Variants in CNTNAP5 observed in about 807,000 individuals in gnomAD.
The protein encoded by CNTNAP5 is contactin associated protein family member 5.
CNTNAP5 carries 72 observed loss-of-function variants against 150.2 expected under a neutral mutation model. The ratio of observed to expected loss-of-function variants is 0.48; its 90% CI spans 0.40 to 0.58. The LOEUF (loss-of-function observed/expected upper bound fraction) is 0.58. Among genes scored for constraint, CNTNAP5 ranks in the 20% least tolerant of loss-of-function variants. CNTNAP5 has a pLI of 0.00. For synonymous variants in CNTNAP5, 672 were observed against 619.8 expected (o/e 1.08, Z -1.25); for missense variants, 1,636 against 1,626.2 (o/e 1.01, Z -0.10).
intron 5 of CNTNAP5, among the ~76,000 whole-genome samples, chr2:124,437,885 T>C (rs978790135): frequency 6.6e-6 from 1 of 152,172 alleles, no homozygotes; most frequent in African/African-American, 2.4e-5. Flanking sequence ...CTCCAGTTTA[T>C]ATGGACATTT....
intron 17 of CNTNAP5, among the ~76,000 whole-genome samples, chr2:124,788,132 C>T (rs1250338623): frequency 6.6e-6 from 1 of 152,210 alleles, no homozygotes; most frequent in Non-Finnish European, 1.5e-5. Flanking sequence ...GTACCTCCAC[C>T]TCCCCTGGGT....
chr2:124,705,636 G>A (rs17393161), intron 13 of CNTNAP5, among the ~76,000 whole-genome samples: 24,728 of 152,024 alleles, frequency 0.16, 2,287 homozygotes, highest in East Asian at 0.24. Flanking sequence ...TGACATTATG[G>A]ATGATTTATA....
chr2:124,275,112 C>T (rs531047378), intron 3 of CNTNAP5, among the ~76,000 whole-genome samples: 3 of 152,146 alleles, frequency 2.0e-5, no homozygotes, highest in East Asian at 1.9e-4. Flanking sequence ...TCTCATGAGA[C>T]ATATTCACTA....
chr2:124,147,125 G>GT (rs1684272016), intron 1 of CNTNAP5, among the ~76,000 whole-genome samples: 1 of 152,246 alleles, frequency 6.6e-6, no homozygotes, highest in African/African-American at 2.4e-5. Context: ...AAGACGGAGA[G>GT]TTGCCATTTG....
At chr2:124,601,666 G>C (rs1696987544) in intron 11 of CNTNAP5, among the ~76,000 whole-genome samples, 1 of 148,758 alleles carries the variant, frequency 6.7e-6, no homozygotes, top group Non-Finnish European at 1.5e-5. Context: ...AGCATCACGT[G>C]CTATTAGAGA....
intron 19 of CNTNAP5, among the ~76,000 whole-genome samples, chr2:124,856,840 A>G (rs185046478): frequency 6.6e-6 from 1 of 152,296 alleles, no homozygotes; most frequent in East Asian, 1.9e-4. Flanking sequence ...TTAGACGTAT[A>G]CAGAGTCTAA....
intron 1 of CNTNAP5, among the ~76,000 whole-genome samples, chr2:124,081,512 A>T (rs1682558126): frequency 6.6e-6 from 1 of 152,186 alleles, no homozygotes; most frequent in African/African-American, 2.4e-5. Context: ...ATAATTTCTT[A>T]TCTCTGGAAA....
chr2:124,648,009 C>G, intron 13 of CNTNAP5, 51 bp downstream of exon 13: 4 of 1,514,484 alleles, frequency 2.6e-6, no homozygotes, highest in Non-Finnish European at 3.6e-6. Flanking sequence ...ACCCTCAGAC[C>G]TGGAGTATTA....
At chr2:124,909,074 T>C (rs1398258954) in intron 22 of CNTNAP5, among the ~76,000 whole-genome samples, 1 of 152,164 alleles carries the variant, frequency 6.6e-6, no homozygotes, top group African/African-American at 2.4e-5. Flanking sequence ...TAGTGTAGCC[T>C]AAGAGTAAAG....
At chr2:124,904,674 C>T (rs1573701791) in intron 22 of CNTNAP5, among the ~76,000 whole-genome samples, 1 of 152,038 alleles carries the variant, frequency 6.6e-6, no homozygotes, top group African/African-American at 2.4e-5. Flanking sequence ...TGAATATCCA[C>T]ATGCAAAAGA....
intron 3 of CNTNAP5, among the ~76,000 whole-genome samples, chr2:124,347,690 CACA>C (rs1488049716): frequency 1.3e-5 from 2 of 152,156 alleles, no homozygotes; most frequent in Non-Finnish European, 2.9e-5. Context: ...GCAGCTAATT[CACA>C]ACAAGCATTG....
intron 20 of CNTNAP5, 77 bp from the exon 21 acceptor site, chr2:124,869,598 A>G (rs1677702220): frequency 2.2e-6 from 2 of 915,640 alleles, no homozygotes; most frequent in South Asian, 2.9e-5. Context: ...TTTTCAAGCT[A>G]TTTCCAGATG....
At chr2:124,503,999 A>T (rs1694338914) in intron 7 of CNTNAP5, among the ~76,000 whole-genome samples, 1 of 152,162 alleles carries the variant, frequency 6.6e-6, no homozygotes, top group Non-Finnish European at 1.5e-5. Context: ...TATAATGAGT[A>T]AATGTAATTA....
intron 12 of CNTNAP5, among the ~76,000 whole-genome samples, chr2:124,645,260 A>T (rs973544063): frequency 1.3e-5 from 2 of 152,230 alleles, no homozygotes; most frequent in Non-Finnish European, 2.9e-5. Context: ...AAAGCAAATA[A>T]CATCAACTTG....
intron 13 of CNTNAP5, among the ~76,000 whole-genome samples, chr2:124,677,980 C>T (rs13392340): frequency 1.3e-5 from 2 of 152,062 alleles, no homozygotes; most frequent in Admixed American, 6.6e-5. Flanking sequence ...AAGAATTCTG[C>T]GTTGCAGTTT....
At chr2:124,404,215 G>A (rs1054551472) in intron 3 of CNTNAP5, among the ~76,000 whole-genome samples, 5 of 152,178 alleles carry the variant, frequency 3.3e-5, no homozygotes, top group African/African-American at 4.8e-5. Context: ...GAAAATTCCC[G>A]ACATCCCCTG....
At chr2:124,749,437 C>A (rs1160387799) in intron 14 of CNTNAP5, among the ~76,000 whole-genome samples, 2 of 147,152 alleles carry the variant, frequency 1.4e-5, no homozygotes, top group African/African-American at 2.5e-5. Flanking sequence ...CTCTTTCTTT[C>A]TTCCTTAGAC....
At chr2:124,625,527 A>T (rs1677703176) in intron 12 of CNTNAP5, among the ~76,000 whole-genome samples, 1 of 152,174 alleles carries the variant, frequency 6.6e-6, no homozygotes, top group Admixed American at 6.6e-5. Flanking sequence ...GGACTTTGGG[A>T]TATATCTATA....
At chr2:124,212,830 T>A (rs13030529) in intron 1 of CNTNAP5, among the ~76,000 whole-genome samples, 11 of 13,938 alleles carry the variant, frequency 7.9e-4, no homozygotes, top group South Asian at 3.8e-3. Context: ...TAGATAAATC[T>A]TTTTTTTTTT....
Sources: allele counts gnomAD v4.1 joint callset (sites outside exome capture counted in the v4.1 genomes callset), GRCh38; gene constraint gnomAD v4.1.1; transcripts MANE v1.5; gene names NCBI Gene and HGNC (gene_info 2026-07-23, HGNC 2026-07-21).